Variants in IQCH observed in about 807,000 individuals in gnomAD.
The protein encoded by IQCH is IQ motif containing H, also known as IQ domain-containing protein H.
A neutral mutation model predicts 117.0 loss-of-function variants in IQCH; 98 were observed. That is an observed-to-expected ratio of 0.84 (90% confidence interval 0.71 to 0.99). The LOEUF (loss-of-function observed/expected upper bound fraction) is 0.99. Among genes scored for constraint, IQCH ranks in the 50% least tolerant of loss-of-function variants. The pLI, the probability that IQCH is intolerant of heterozygous loss-of-function variation, is 0.00. For missense variants in IQCH, 1,102 were observed against 1,243.8 expected (o/e 0.89, Z 1.72); for synonymous variants, 412 against 448.2 (o/e 0.92, Z 1.02).
intron 4 of IQCH, among the ~76,000 whole-genome samples, chr15:67,312,787 G>C (rs1426524071): frequency 2.0e-5 from 3 of 152,030 alleles, no homozygotes; most frequent in Non-Finnish European, 4.4e-5. Context: ...AAGAGAAATG[G>C]GACTAATAGG....
At position 67,455,372 on chromosome 15, in the gene IQCH, T is replaced by G. The variant is rs73474734; in HGVS notation, c.2506-9755T>G. Among the ~76,000 whole-genome samples the G allele has an allele frequency of 7.4e-3, 1,123 of 152,314 alleles. 22 individuals are homozygous for G. Among genetic ancestry groups the G allele is most frequent in the African/African-American group, 0.026 (1,069 of 41,558 alleles). Reference sequence around the variant, plus strand: ...TGAACTCTACTCCTGACCAAGTCTCTTCCCCTTGTGAGCCGCATGCCTGGG... The same window carrying G: ...TGAACTCTACTCCTGACCAAGTCTCGTCCCCTTGTGAGCCGCATGCCTGGG... On this transcript the variant is annotated intron_variant, in intron 16 of 20. Coordinates refer to ENST00000335894, the MANE Select transcript of IQCH (RefSeq NM_001031715.3).
rs1970282051 is a variant in IQCH, at chr15:67,365,021, G to A, written c.753+5136G>A. Among the ~76,000 whole-genome samples, 1 of 152,148 alleles carries A rather than the reference G, an allele frequency of 6.6e-6. No individual in the cohort carries two copies. The highest frequency in any genetic ancestry group is 2.1e-4 in the South Asian group (1 of 4,834). On this transcript the variant is annotated intron_variant, in intron 8 of 20. Coordinates refer to ENST00000335894, the MANE Select transcript of IQCH (RefSeq NM_001031715.3). The surrounding 1 kb of genome is among the most constrained non-coding windows in gnomAD (Gnocchi z 4.4). ...AGTGGCACGATTGTGGCTCACTGCA[G>A]CCTTGACCTGCCGGGGCTCAAGCAG... is the stretch of plus-strand genomic sequence containing the variant.
intron 4 of IQCH, among the ~76,000 whole-genome samples, chr15:67,280,590 C>T (rs1468608712): frequency 6.6e-6 from 1 of 152,118 alleles, no homozygotes; most frequent in Non-Finnish European, 1.5e-5. Context: ...TGATCTCATT[C>T]ATTAGGGTTC....
In IQCH at chr15:67,319,084, AG is replaced by A. The variant is rs372059609; in HGVS notation, c.388-17889del. The stretch of plus-strand genomic sequence containing the variant: ...CTACTAAAAATACAAAAAATTAACC[AG>A]GCGTGGTGGCGGGTGCCTGTAGTCC... On this transcript the variant is annotated intron_variant, in intron 4 of 20. Coordinates refer to ENST00000335894, the MANE Select transcript of IQCH (RefSeq NM_001031715.3). Among the ~76,000 whole-genome samples, 270 of 152,124 alleles carry A rather than the reference AG, an allele frequency of 1.8e-3. 4 individuals are homozygous for A. The highest frequency in any genetic ancestry group is 6.4e-3 in the African/African-American group (264 of 41,498).
In IQCH at chr15:67,500,900, CATTGTTT is replaced by C. The variant is rs1442963619; in HGVS notation, c.*158_*164del. ...TTATAATGAAATGCTCTTTTTAAAA[CATTGTTT>C]ATTAAGTGATCTTATTTTATTTATT... On this transcript the variant is annotated 3_prime_UTR_variant, in exon 21 of 21. Coordinates refer to ENST00000335894, the MANE Select transcript of IQCH (RefSeq NM_001031715.3). This position sits in a 1 kb window ranked among gnomAD's most constrained non-coding sequence, Gnocchi z 4.4. The C allele has an allele frequency of 1.2e-5, 5 of 428,450 alleles. No individual in the cohort carries two copies. The highest frequency in any genetic ancestry group is 1.0e-4 in the African/African-American group (5 of 48,900). 26.5% of individuals were successfully genotyped at this position (428,450 alleles called of 1,614,324 possible).
At position 67,385,492 on chromosome 15, in the gene IQCH, A is replaced by T. The variant is rs1379797020; in HGVS notation, c.1456+473A>T. ...AGAAGCTTTTATTTAAATATAGAGC[A>T]TCTTATTATTAGAAAACGTGAAGTG... On this transcript the variant is annotated intron_variant, in intron 11 of 20. Transcript: ENST00000335894. This position sits in a 1 kb window ranked among gnomAD's most constrained non-coding sequence, Gnocchi z 4.6. 6.6e-6 allele frequency among the ~76,000 whole-genome samples: 1 copy of T among 152,210 alleles called. No homozygotes were observed. Among genetic ancestry groups the T allele is most frequent in the African/African-American group, 2.4e-5 (1 of 41,458 alleles).
At chr15:67,257,419 A>G (rs1226685035) in intron 1 of IQCH, among the ~76,000 whole-genome samples, 2 of 152,238 alleles carry the variant, frequency 1.3e-5, no homozygotes, top group Non-Finnish European at 2.9e-5. Flanking sequence ...ACGTCTGTGT[A>G]TCAGTCAGAT....
At chr15:67,488,024 C>G (rs957727588) in intron 18 of IQCH, among the ~76,000 whole-genome samples, 2 of 152,004 alleles carry the variant, frequency 1.3e-5, no homozygotes, top group Non-Finnish European at 2.9e-5. Flanking sequence ...TTTTATTTAA[C>G]AGAACTGCCA....
At chr15:67,399,773 T>C (rs1971583159) in intron 13 of IQCH, among the ~76,000 whole-genome samples, 1 of 152,222 alleles carries the variant, frequency 6.6e-6, no homozygotes, top group African/African-American at 2.4e-5. Flanking sequence ...AGTAAATGCA[T>C]AATTCTCTGA....
intron 6 of IQCH, among the ~76,000 whole-genome samples, chr15:67,354,167 C>T (rs560242228): frequency 6.6e-6 from 1 of 151,832 alleles, no homozygotes; most frequent in Non-Finnish European, 1.5e-5. Context: ...AAGCACAGTA[C>T]AAGAAAAAAT....
intron 4 of IQCH, among the ~76,000 whole-genome samples, chr15:67,301,785 A>G (rs534119402): frequency 6.6e-6 from 1 of 152,176 alleles, no homozygotes; most frequent in South Asian, 2.1e-4. Flanking sequence ...TGTGTGCTAC[A>G]TATTACTATT....
chr15:67,315,356 A>G (rs1224458810), intron 4 of IQCH, among the ~76,000 whole-genome samples: 2 of 152,224 alleles, frequency 1.3e-5, no homozygotes, highest in African/African-American at 2.4e-5. Flanking sequence ...ATGTGAAGCT[A>G]CATTTGCCAA....
chr15:67,307,155 A>C (rs1426495621), intron 4 of IQCH: 2 of 1,039,208 alleles, frequency 1.9e-6, no homozygotes, highest in Non-Finnish European at 2.3e-6. Flanking sequence ...GCAAGATGTG[A>C]GTTGCTGTAG....
intron 2 of IQCH, among the ~76,000 whole-genome samples, chr15:67,261,921 A>T (rs1596051329): frequency 6.6e-6 from 1 of 152,224 alleles, no homozygotes; most frequent in East Asian, 1.9e-4. Flanking sequence ...CCCTGTCTCT[A>T]CAAAAATTTT....
At chr15:67,461,535 A>C (rs1297828364) in intron 16 of IQCH, among the ~76,000 whole-genome samples, 1 of 152,234 alleles carries the variant, frequency 6.6e-6, no homozygotes, top group Non-Finnish European at 1.5e-5. Context: ...CGGTGTCTTC[A>C]ATGGAAAGAC....
intron 3 of IQCH, among the ~76,000 whole-genome samples, chr15:67,264,269 C>T (rs1299597142): frequency 6.6e-6 from 1 of 152,360 alleles, no homozygotes. Context: ...GCCTGCAAGG[C>T]ACTTGTATTA....
chr15:67,305,058 A>G (rs1967231527), intron 4 of IQCH, among the ~76,000 whole-genome samples: 1 of 152,072 alleles, frequency 6.6e-6, no homozygotes, highest in Admixed American at 6.6e-5. Flanking sequence ...GAGTTTTCTT[A>G]GGAGAATTAA....
chr15:67,297,950 A>G lies in IQCH; in HGVS notation c.387+18438A>G, dbSNP rs145194174. On this transcript the variant is annotated intron_variant, in intron 4 of 20. Transcript: ENST00000335894. ...ACTACCCATCTGACAAGGGATTAAT[A>G]ACCAGAATATATTAGGAGCTCAAGC... Among the ~76,000 whole-genome samples, 43 of 152,290 alleles carry G rather than the reference A, an allele frequency of 2.8e-4. 1 individual carries two copies. In the East Asian group the frequency reaches 8.3e-3, roughly 29 times the overall value.
rs1971644153 is a variant in IQCH, at chr15:67,401,154, G to T, written c.2097+849G>T. On this transcript the variant is annotated intron_variant, in intron 14 of 20. Coordinates refer to ENST00000335894, the MANE Select transcript of IQCH (RefSeq NM_001031715.3). The surrounding 1 kb of genome is among the most constrained non-coding windows in gnomAD (Gnocchi z 4.7). ...CCAGCCAGAAAATCTCCCAGCAAAA[G>T]CTGAGCTGTAGGTAAGAAGTCTTAG... Among the ~76,000 whole-genome samples the T allele has an allele frequency of 6.6e-6, 1 of 152,212 alleles. No individual in the cohort carries two copies. Among genetic ancestry groups the T allele is most frequent in the Non-Finnish European group, 1.5e-5 (1 of 68,048 alleles).
Sources: allele counts gnomAD v4.1 joint callset (sites outside exome capture counted in the v4.1 genomes callset), GRCh38; gene constraint gnomAD v4.1.1; non-coding constraint Gnocchi (gnomAD v3.1); transcripts MANE v1.5; gene names NCBI Gene and HGNC (gene_info 2026-07-23, HGNC 2026-07-21).